The following ST14 variants were observed in gnomAD, a reference collection of about 807,000 sequenced individuals.
ST14 encodes ST14 transmembrane serine protease matriptase, also known as suppressor of tumorigenicity 14 protein.
Under a neutral mutation model 96.5 loss-of-function variants are expected in ST14, and 40 were observed. That is an observed-to-expected ratio of 0.41 (90% CI 0.32 to 0.54). The LOEUF (loss-of-function observed/expected upper bound fraction) is 0.54. Among genes scored for constraint, ST14 ranks in the 20% least tolerant of loss-of-function variants. The pLI is 0.17. For missense variants in ST14, 1,066 were observed against 1,188.9 expected, an observed-to-expected ratio of 0.90 and a Z score of 1.52; for synonymous variants, 506 against 492.1, an observed-to-expected ratio of 1.03 and a Z score of -0.37.
chr11:130,193,103 G>GTT (rs34913703), intron 7 of ST14, among the ~76,000 whole-genome samples: 7,523 of 148,708 alleles, frequency 0.051, 275 homozygotes, highest in Non-Finnish European at 0.069. Flanking sequence ...TGCCAGGCAT[G>GTT]TTTTTTTTTT....
chr11:130,206,919 T>C (rs1953496026), intron 16 of ST14, among the ~76,000 whole-genome samples: 1 of 152,178 alleles, frequency 6.6e-6, no homozygotes, highest in Non-Finnish European at 1.5e-5. Flanking sequence ...CTGTATAAAT[T>C]CTTTTGAAAT....
chr11:130,203,585 C>T (rs896488692), intron 16 of ST14, among the ~76,000 whole-genome samples: 4 of 152,268 alleles, frequency 2.6e-5, no homozygotes, highest in Non-Finnish European at 4.4e-5. Flanking sequence ...CGTGCAGTCT[C>T]AGTCTCCAGT....
chr11:130,188,654 C>T lies in ST14; in HGVS notation c.366C>T (p.Asp122=), dbSNP rs140428230. The part of the protein sequence containing the change: ...EFVSLASKVK[D]ALKLLYSGVP... ...TAAGCCTGGCCAGCAAGGTGAAGGA[C>T]GCGGTGAGTGCAGCCTGCCCAGAGT... is the stretch of plus-strand genomic sequence containing the variant. The change falls in exon 3 of 19, where the codon GAC becomes GAT. Residue 122 remains aspartate (D), a synonymous_variant. Coordinates refer to ENST00000278742, the MANE Select transcript of ST14 (RefSeq NM_021978.4). This position sits in a 1 kb window ranked among gnomAD's most constrained non-coding sequence, Gnocchi z 5.4. 4.6e-5 allele frequency: 74 copies of T among 1,614,086 alleles called. No individual in the cohort carries two copies. Among genetic ancestry groups the T allele is most frequent in the African/African-American group, 8.0e-5 (6 of 74,932 alleles).
intron 1 of ST14, among the ~76,000 whole-genome samples, chr11:130,172,604 A>T (rs1175109897): frequency 5.3e-5 from 8 of 150,716 alleles, no homozygotes; most frequent in African/African-American, 2.0e-4. Context: ...TTTTTAGTAG[A>T]GACGGGGTTT....
chr11:130,182,657 T>G (rs561304145), intron 1 of ST14, among the ~76,000 whole-genome samples: 1 of 151,658 alleles, frequency 6.6e-6, no homozygotes, highest in South Asian at 2.1e-4. Flanking sequence ...AATATCTTTT[T>G]TTTTTTTTTT....
chr11:130,197,782 G>C (rs1953382738), intron 11 of ST14, 59 bp from the exon 12 acceptor site: 5 of 1,429,690 alleles, frequency 3.5e-6, no homozygotes, highest in Non-Finnish European at 4.7e-6. Flanking sequence ...GAGGGAGCCG[G>C]GAGCCAGCGG....
At chr11:130,160,833 G>T (rs537923393) in intron 1 of ST14, among the ~76,000 whole-genome samples, 1 of 152,210 alleles carries the variant, frequency 6.6e-6, no homozygotes, top group Non-Finnish European at 1.5e-5. Context: ...GGTAGTGCCC[G>T]GGCGGGACCA....
At chr11:130,208,296 C>G in intron 16 of ST14, 114 bp from the exon 17 acceptor site, 1 of 1,468,064 alleles carries the variant, frequency 6.8e-7, no homozygotes, top group Non-Finnish European at 9.5e-7. Context: ...ATCGTCTTCT[C>G]GTAGCAGCAG....
chr11:130,164,244 T>G (rs1005859861), intron 1 of ST14, among the ~76,000 whole-genome samples: 2 of 152,210 alleles, frequency 1.3e-5, no homozygotes, highest in African/African-American at 4.8e-5. Flanking sequence ...TGATGAACAC[T>G]AATAATCGTT....
At position 130,208,654 on chromosome 11, in the gene ST14, G is replaced by A. The variant is rs1273046081; in HGVS notation, c.2239G>A (p.Val747Ile). The A allele has an allele frequency of 1.2e-6, 2 of 1,613,886 alleles. No individual in the cohort carries two copies. The highest frequency in any genetic ancestry group is 1.7e-6 in the Non-Finnish European group (2 of 1,179,938). The change falls in exon 17 of 19, where the codon GTC (valine) becomes ATC (isoleucine). Residue 747 changes from valine to isoleucine, a missense_variant. By Grantham distance (29) the Val-to-Ile change is conservative. Transcript: ENST00000278742. ...CTTCCCTGCCGGCAAGGCCATCTGG[G>A]TCACGGGCTGGGGACACACCCAGTA... ...HVFPAGKAIW[V>I]TGWGHTQYGG...
chr11:130,186,798 T>A (rs940146762), intron 1 of ST14, among the ~76,000 whole-genome samples: 5 of 152,186 alleles, frequency 3.3e-5, no homozygotes, highest in Non-Finnish European at 7.3e-5. Flanking sequence ...GATGTCTAGA[T>A]AGATGAATCA....
chr11:130,177,769 G>A (rs1384862257), intron 1 of ST14, among the ~76,000 whole-genome samples: 7 of 151,936 alleles, frequency 4.6e-5, no homozygotes, highest in Admixed American at 1.3e-4. Flanking sequence ...GTGAGATGAC[G>A]TCTCTTTTTG....
Position 130,200,560 on chromosome 11 carries a change from C to A in ST14, c.1994+423C>A, listed in dbSNP as rs144242063. On this transcript the variant is annotated intron_variant, in intron 16 of 18. Transcript: ENST00000278742. ...AAAACATTCATGAGGGAACCGTGAC[C>A]AAAACACCTCCTACCACGCCCCACC... Among the ~76,000 whole-genome samples the A allele has an allele frequency of 3.0e-4, 45 of 152,274 alleles. No individual in the cohort carries two copies. In the East Asian group the frequency reaches 7.9e-3, roughly 27 times the overall value.
In ST14 at chr11:130,207,145, C is replaced by A. The variant is rs535032324; in HGVS notation, c.1995-1265C>A. 3.9e-5 allele frequency among the ~76,000 whole-genome samples: 6 copies of A among 152,284 alleles called. No individual in the cohort carries two copies. The East Asian group carries it at 1.2e-3, about 29-fold the overall frequency. On this transcript the variant is annotated intron_variant, in intron 16 of 18. Coordinates refer to ENST00000278742, the MANE Select transcript of ST14 (RefSeq NM_021978.4). ...TTATGCTTCCCATTAAGCCCCAGAT[C>A]CGAAATCAGCTGTTTTTCCAAGGAG...
chr11:130,183,469 A>G (rs938483085), intron 1 of ST14, among the ~76,000 whole-genome samples: 2 of 151,208 alleles, frequency 1.3e-5, no homozygotes, highest in Non-Finnish European at 2.9e-5. Context: ...GCTACTCAGG[A>G]GGCTGATGCA....
At position 130,189,859 on chromosome 11, in the gene ST14, C is replaced by A; in HGVS notation, c.561C>A (p.Ser187=). 1 of 1,613,886 alleles carries A rather than the reference C, an allele frequency of 6.2e-7. No individual in the cohort carries two copies. The highest frequency in any genetic ancestry group is 2.2e-5 in the East Asian group (1 of 44,858). Residue 187 remains serine (S), a synonymous_variant, in exon 5 of 19, where the codon TCC becomes TCA. Coordinates refer to ENST00000278742, the MANE Select transcript of ST14 (RefSeq NM_021978.4). ...RVVMLPPRAR[S]LKSFVVTSVV... is the part of the protein sequence containing the mutation. The stretch of plus-strand genomic sequence containing the variant: ...TCATGCTGCCCCCGCGGGCGCGCTC[C>A]CTGAAGTCCTTTGTGGTCACCTCAG...
At position 130,196,458 on chromosome 11, in the gene ST14, C is replaced by CG. The variant is rs1253594170; in HGVS notation, c.1223+15dup. The CG allele has an allele frequency of 5.0e-6, 8 of 1,602,044 alleles. No homozygotes were observed. The highest frequency in any genetic ancestry group is 6.0e-6 in the Non-Finnish European group (7 of 1,173,848). On this transcript the variant is annotated intron_variant, in intron 10 of 18. Coordinates refer to ENST00000278742, the MANE Select transcript of ST14 (RefSeq NM_021978.4). Reference sequence around the variant, plus strand: ...AGATCAACGGGGAGAAGTGAGTCCCCGGGGGTATGGGGGCTGCCGGGCCCA... The same window carrying CG: ...AGATCAACGGGGAGAAGTGAGTCCCCGGGGGGTATGGGGGCTGCCGGGCCCA...
rs757940044 is a variant in ST14 at position 130,208,657 on chromosome 11, A to G, written c.2242A>G (p.Thr748Ala). 5.0e-6 allele frequency: 8 copies of G among 1,613,708 alleles called. No individual in the cohort carries two copies. Among genetic ancestry groups the G allele is most frequent in the Non-Finnish European group, 6.8e-6 (8 of 1,179,928 alleles). ...CCCTGCCGGCAAGGCCATCTGGGTC[A>G]CGGGCTGGGGACACACCCAGTATGG... ...VFPAGKAIWV[T>A]GWGHTQYGGT... Residue 748 changes from threonine (T) to alanine (A), a missense_variant, in exon 17 of 19, where the codon ACG becomes GCG. Thr to Ala is a moderately conservative substitution (Grantham distance 58, BLOSUM62 0). Coordinates refer to ENST00000278742, the MANE Select transcript of ST14 (RefSeq NM_021978.4).
chr11:130,168,774 G>A (rs551686740), intron 1 of ST14, among the ~76,000 whole-genome samples: 5 of 152,218 alleles, frequency 3.3e-5, no homozygotes, highest in African/African-American at 7.2e-5. Flanking sequence ...TGGGGGTGGG[G>A]CCCCTCTGTT....
Sources: gnomAD v4.1 joint callset for allele counts (sites outside exome capture counted in the v4.1 genomes callset) on GRCh38, gnomAD v4.1.1 for gene constraint, Gnocchi (gnomAD v3.1) non-coding constraint, MANE v1.5 for transcripts, NCBI Gene and HGNC (gene_info 2026-07-23, HGNC 2026-07-21) for gene names.